Variants in CLMP observed in about 807,000 individuals in gnomAD.
CLMP encodes the protein CXADR like cell adhesion molecule.
In CLMP, 27 loss-of-function variants were observed where a neutral mutation model predicts 45.2. The observed-to-expected ratio is 0.60, with a 90% confidence interval of 0.44 to 0.82. CLMP has a LOEUF of 0.82. Ranked by LOEUF, CLMP falls within the 40% of genes least tolerant of loss-of-function variation. The pLI is 0.00. For synonymous variants in CLMP, 167 were observed against 171.4 expected (o/e 0.97, Z 0.20); for missense variants, 403 against 448.4 (o/e 0.90, Z 0.91).
intron 1 of CLMP, among the ~76,000 whole-genome samples, chr11:123,185,126 C>T (rs921829602): frequency 2.6e-5 from 4 of 152,008 alleles, no homozygotes. Flanking sequence ...AAGGTAACAG[C>T]GTGGAGGTCT....
intron 1 of CLMP, 148 bp from the exon 2 acceptor site, chr11:123,098,100 T>A: frequency 3.9e-6 from 2 of 512,118 alleles, no homozygotes; most frequent in South Asian, 5.6e-5. Context: ...GTACTAGAAG[T>A]CCTGGTCTCA....
chr11:123,192,461 C>T (rs114990796), intron 1 of CLMP, among the ~76,000 whole-genome samples: 253 of 152,200 alleles, frequency 1.7e-3, no homozygotes, highest in African/African-American at 5.7e-3. Flanking sequence ...CAGGGTTACT[C>T]GGGTAGCAGT....
intron 1 of CLMP, among the ~76,000 whole-genome samples, chr11:123,186,840 T>C (rs1472531827): frequency 6.6e-6 from 1 of 152,100 alleles, no homozygotes; most frequent in Non-Finnish European, 1.5e-5. Flanking sequence ...GAGCCTGTTG[T>C]GGACCTGGAG....
chr11:123,074,621 G>A, intron 6 of CLMP, 81 bp downstream of exon 6: 1 of 1,381,878 alleles, frequency 7.2e-7, no homozygotes, highest in Non-Finnish European at 1.0e-6. Flanking sequence ...AGAGAAAACT[G>A]GGAACATTTA....
At chr11:123,091,575 T>C (rs1865932498) in intron 2 of CLMP, among the ~76,000 whole-genome samples, 2 of 152,204 alleles carry the variant, frequency 1.3e-5, no homozygotes, top group South Asian at 4.1e-4. Context: ...TTATTTTGAC[T>C]TGCTCCAGGA....
intron 1 of CLMP, among the ~76,000 whole-genome samples, chr11:123,134,414 T>C (rs1453736901): frequency 6.6e-6 from 1 of 152,192 alleles, no homozygotes; most frequent in African/African-American, 2.4e-5. Context: ...GATTAATTTT[T>C]TCTTTCACAA....
At chr11:123,169,741 C>T (rs529699894) in intron 1 of CLMP, among the ~76,000 whole-genome samples, 1 of 152,270 alleles carries the variant, frequency 6.6e-6, no homozygotes, top group East Asian at 1.9e-4. Flanking sequence ...TGTAGGGGCA[C>T]AGCTTGGTTT....
rs369507357 is a variant in CLMP at position 123,074,795 on chromosome 11, G to A, written c.728C>T (p.Ala243Val). Reference sequence around the variant, plus strand: ...CAAGAGGAAAATCAGCAGGGCTCCAGCCACTATGCCTGTCACTGCTCCTGC... The same window carrying A: ...CAAGAGGAAAATCAGCAGGGCTCCAACCACTATGCCTGTCACTGCTCCTGC... ...MVAGAVTGIV[A>V]GALLIFLLVW... The change falls in exon 6 of 7, where the codon GCT becomes GTT. Residue 243 changes from alanine to valine, a missense_variant. Transcript: ENST00000448775. 72 of 1,613,990 alleles carry A rather than the reference G, an allele frequency of 4.5e-5. No homozygotes were observed. Among genetic ancestry groups the A allele is most frequent in the Non-Finnish European group, 6.0e-5 (71 of 1,180,014 alleles).
At chr11:123,189,126 T>C (rs1443680150) in intron 1 of CLMP, among the ~76,000 whole-genome samples, 2 of 152,144 alleles carry the variant, frequency 1.3e-5, no homozygotes, top group East Asian at 3.9e-4. Context: ...TAAACAATAG[T>C]CATCCAAACA....
intron 1 of CLMP, among the ~76,000 whole-genome samples, chr11:123,150,480 A>AAAGAAAGAAAGAAAGAAAAAGGAAGG (rs764502298): frequency 4.9e-5 from 2 of 40,962 alleles, no homozygotes; most frequent in African/African-American, 1.1e-4. Context: ...AGAAAGAAAG[A>AAAGAAAGAAAGAAAGAAAAAGGAAGG]AAGGAAGGAA....
At chr11:123,152,563 TAAAA>T (rs776169616) in intron 1 of CLMP, among the ~76,000 whole-genome samples, 1,575 of 150,054 alleles carry the variant, frequency 0.01, 7 homozygotes, top group African/African-American at 0.02. Flanking sequence ...AATAAATAAA[TAAAA>T]AATAAATAAA....
chr11:123,180,624 A>G (rs1004021664), intron 1 of CLMP, among the ~76,000 whole-genome samples: 2 of 150,756 alleles, frequency 1.3e-5, no homozygotes, highest in South Asian at 2.1e-4. Context: ...AAAGACACTG[A>G]TAAGTGTTAG....
intron 1 of CLMP, among the ~76,000 whole-genome samples, chr11:123,188,162 C>G (rs1487873156): frequency 6.6e-6 from 1 of 152,182 alleles, no homozygotes; most frequent in Non-Finnish European, 1.5e-5. Flanking sequence ...CGATCGGGGT[C>G]TCAGAGCCCA....
At chr11:123,168,847 T>C (rs1035485937) in intron 1 of CLMP, among the ~76,000 whole-genome samples, 1 of 152,132 alleles carries the variant, frequency 6.6e-6, no homozygotes, top group African/African-American at 2.4e-5. Context: ...TGGGTCTCAT[T>C]CCCCTCAACG....
At chr11:123,136,438 TCC>T (rs35816690) in intron 1 of CLMP, 2 of 364,276 alleles carry the variant, frequency 5.5e-6, no homozygotes, top group South Asian at 2.6e-5. Flanking sequence ...GCCCTCCTTG[TCC>T]CCCCCCACCC....
intron 1 of CLMP, among the ~76,000 whole-genome samples, chr11:123,120,896 G>A (rs1455312853): frequency 6.6e-6 from 1 of 152,084 alleles, no homozygotes; most frequent in Admixed American, 6.6e-5. Flanking sequence ...GGAGGCCGAG[G>A]TGGGAGGATC....
At chr11:123,103,517 GA>G (rs1353322667) in intron 1 of CLMP, among the ~76,000 whole-genome samples, 2 of 152,038 alleles carry the variant, frequency 1.3e-5, no homozygotes, top group African/African-American at 4.8e-5. Context: ...ACCATATCCA[GA>G]ATTAAATACA....
At chr11:123,148,501 G>A (rs1861269852) in intron 1 of CLMP, among the ~76,000 whole-genome samples, 1 of 152,224 alleles carries the variant, frequency 6.6e-6, no homozygotes, top group Non-Finnish European at 1.5e-5. Context: ...CACAAAATAA[G>A]TTGGTTCCCG....
At chr11:123,141,314 A>G (rs1296979085) in intron 1 of CLMP, among the ~76,000 whole-genome samples, 2 of 149,922 alleles carry the variant, frequency 1.3e-5, no homozygotes, top group African/African-American at 4.9e-5. Context: ...CCTCCCGAGT[A>G]GCTGGGACTA....
Sources: allele counts gnomAD v4.1 joint callset (sites outside exome capture counted in the v4.1 genomes callset), GRCh38; gene constraint gnomAD v4.1.1; transcripts MANE v1.5; gene names NCBI Gene and HGNC (gene_info 2026-07-23, HGNC 2026-07-21).